Variants in TNRC18 observed in about 807,000 individuals in gnomAD.
TNRC18 encodes trinucleotide repeat containing 18.
In TNRC18, 69 loss-of-function variants were observed where a neutral mutation model predicts 226.7. That is an observed-to-expected ratio of 0.30 (90% CI 0.25 to 0.37). The LOEUF (loss-of-function observed/expected upper bound fraction) is 0.37, where lower values mean the gene tolerates loss of function less well. Among genes scored for constraint, TNRC18 ranks in the 10% least tolerant of loss-of-function variants. The pLI, the probability that TNRC18 is intolerant of heterozygous loss-of-function variation, is 1.00. For synonymous variants in TNRC18, 2,449 were observed against 1,927.6 expected, an observed-to-expected ratio of 1.27 and a Z score of -7.09; for missense variants, 4,754 against 4,256.6, an observed-to-expected ratio of 1.12 and a Z score of -3.25.
intron 29 of TNRC18, among the ~76,000 whole-genome samples, chr7:5,308,538 A>C (rs1445781442): frequency 6.6e-6 from 1 of 152,190 alleles, no homozygotes; most frequent in Non-Finnish European, 1.5e-5. Context: ...AGAGATCCAA[A>C]GACGCAGAGA....
intron 11 of TNRC18, among the ~76,000 whole-genome samples, chr7:5,368,105 G>A (rs1217389778): frequency 2.7e-5 from 4 of 150,942 alleles, no homozygotes; most frequent in Admixed American, 1.3e-4. Flanking sequence ...GACCATCTAA[G>A]ACTGGGTCAT....
intron 2 of TNRC18, among the ~76,000 whole-genome samples, chr7:5,411,515 CAAAA>C (rs764197407): frequency 4.6e-5 from 3 of 65,442 alleles, no homozygotes; most frequent in African/African-American, 1.7e-4. Flanking sequence ...AAGACTCTGT[CAAAA>C]AAAAAAAAAA....
chr7:5,389,300 G>A lies in TNRC18; in HGVS notation c.524C>T (p.Ser175Phe). ...GGCCGAGGGCGCGTGAGAGTGCAGG[G>A]AGCCCGGAGCCCCCGCGGTGGGCAG... ...FYLPTAGAPG[S>F]LHSHAPSART... Residue 175 changes from serine to phenylalanine, a missense_variant, in exon 5 of 30, where the codon TCC (serine) becomes TTC (phenylalanine). Ser to Phe is a radical substitution (Grantham distance 155). Coordinates refer to ENST00000430969, the MANE Select transcript of TNRC18 (RefSeq NM_001080495.3). 1 of 1,283,544 alleles carries A rather than the reference G, an allele frequency of 7.8e-7. No homozygotes were observed. Among genetic ancestry groups the A allele is most frequent in the Non-Finnish European group, 9.8e-7 (1 of 1,015,670 alleles). The allele number at this position is 1,283,544 out of a possible 1,614,324, so 79.5% of individuals were successfully genotyped here.
At chr7:5,347,794 A>C (rs1445607488) in intron 17 of TNRC18, among the ~76,000 whole-genome samples, 4 of 151,954 alleles carry the variant, frequency 2.6e-5, no homozygotes, top group Admixed American at 6.6e-5. Flanking sequence ...ATCTCTACTA[A>C]AAATACAAAA....
At chr7:5,397,217 G>A (rs372749151) in intron 2 of TNRC18, among the ~76,000 whole-genome samples, 2 of 152,182 alleles carry the variant, frequency 1.3e-5, no homozygotes, top group Non-Finnish European at 2.9e-5. Context: ...TCCAAGCCCT[G>A]CTGAGCCCCG....
chr7:5,353,509 G>C (rs1353729945), intron 16 of TNRC18, among the ~76,000 whole-genome samples: 1 of 141,884 alleles, frequency 7.0e-6, no homozygotes, highest in African/African-American at 2.7e-5. Context: ...CAGTGCGGCC[G>C]AGATCACACC....
At chr7:5,374,827 C>T (rs1389632394) in intron 9 of TNRC18, among the ~76,000 whole-genome samples, 1 of 152,230 alleles carries the variant, frequency 6.6e-6, no homozygotes, top group African/African-American at 2.4e-5. Context: ...GGGCACAAGG[C>T]CCCACACCTC....
At position 5,377,823 on chromosome 7, in the gene TNRC18, G is replaced by C; in HGVS notation, c.2255+99C>G. ...CCGCTCTCAGTACCATAGCATCCAT[G>C]GTCGAGGGGCCAAGCCCACCTGGGG... is the stretch of plus-strand genomic sequence containing the variant. On this transcript the variant is annotated intron_variant, in intron 6 of 29. Coordinates refer to ENST00000430969, the MANE Select transcript of TNRC18 (RefSeq NM_001080495.3). This position sits in a 1 kb window ranked among gnomAD's most constrained non-coding sequence, Gnocchi z 5.8. 1 of 1,221,660 alleles carries C rather than the reference G, an allele frequency of 8.2e-7. No individual in the cohort carries two copies. The highest frequency in any genetic ancestry group is 1.2e-6 in the Non-Finnish European group (1 of 852,538). The allele number at this position is 1,221,660 out of a possible 1,614,324, so 75.7% of individuals were successfully genotyped here.
intron 11 of TNRC18, among the ~76,000 whole-genome samples, chr7:5,369,144 T>C (rs952134307): frequency 7.9e-5 from 12 of 151,996 alleles, no homozygotes; most frequent in Middle Eastern, 3.2e-3. Flanking sequence ...GGTCGGGAGT[T>C]CGAGACCAGC....
rs1786613436 is a variant in TNRC18 at position 5,307,167 on chromosome 7, T to C, written c.*939A>G. On this transcript the variant is annotated 3_prime_UTR_variant, in exon 30 of 30. Transcript: ENST00000430969. ...GTGAAGCCGGTGCTAGACACTATAA[T>C]CTAACAGGAAATAAAAAATAATATT... 6.6e-6 allele frequency: 1 copy of C among 150,428 alleles called. No homozygotes were observed. 9.3% of individuals were successfully genotyped at this position (150,428 alleles called of 1,614,324 possible).
In TNRC18 at chr7:5,312,540, G is replaced by A. The variant is rs1417559116; in HGVS notation, c.8351C>T (p.Ala2784Val). 1.9e-6 allele frequency: 3 copies of A among 1,611,206 alleles called. No homozygotes were observed. The highest frequency in any genetic ancestry group is 2.5e-6 in the Non-Finnish European group (3 of 1,179,376). The part of the protein sequence containing the change: ...NRPKIAAFLP[A>V]RQLWKWFGKP... ...GCCGAACCACTTCCAGAGCTGCCGG[G>A]CTGGCAGGAAGGCGGCGATCTTGGG... Residue 2784 changes from alanine to valine, a missense_variant, in exon 27 of 30, where the codon GCC becomes GTC. By Grantham distance (64) the Ala-to-Val change is moderately conservative. Transcript: ENST00000430969. The surrounding 1 kb of genome is among the most constrained non-coding windows in gnomAD (Gnocchi z 6.3).
rs1182679572 is a variant in TNRC18 at position 5,312,466 on chromosome 7, C to G, written c.8388+37G>C. 2 of 1,596,486 alleles carry G rather than the reference C, an allele frequency of 1.3e-6. No homozygotes were observed. Among genetic ancestry groups the G allele is most frequent in the Non-Finnish European group, 1.7e-6 (2 of 1,174,000 alleles). ...GCCCAGCAGAGAGACACAAGGCCCC[C>G]GGCCCCTCGGCCGTGCCCGGGCGCG... On this transcript the variant is annotated intron_variant, in intron 27 of 29. Coordinates refer to ENST00000430969, the MANE Select transcript of TNRC18 (RefSeq NM_001080495.3). This position sits in a 1 kb window ranked among gnomAD's most constrained non-coding sequence, Gnocchi z 6.3.
At chr7:5,356,405 C>T (rs889926843) in intron 16 of TNRC18, among the ~76,000 whole-genome samples, 1 of 152,152 alleles carries the variant, frequency 6.6e-6, no homozygotes, top group African/African-American at 2.4e-5. Flanking sequence ...CATAGCCGAG[C>T]ACGGTGGGCG....
rs549918622 is a variant in TNRC18 at position 5,399,740 on chromosome 7, C to T, written c.188-5145G>A. Among the ~76,000 whole-genome samples, 8 of 151,274 alleles carry T rather than the reference C, an allele frequency of 5.3e-5. No homozygotes were observed. In the South Asian group the frequency reaches 1.1e-3, roughly 20 times the overall value. On this transcript the variant is annotated intron_variant, in intron 2 of 29. Transcript: ENST00000430969. ...AACAAAAAAACCTAAAACACACAGC[C>T]GGCACGATGGCTCACACCTATAATA... is the stretch of plus-strand genomic sequence containing the variant.
intron 19 of TNRC18, chr7:5,329,824 C>T (rs533386963): frequency 7.6e-5 from 34 of 446,540 alleles, no homozygotes; most frequent in African/African-American, 4.5e-4. Flanking sequence ...TACATTGCCT[C>T]TTTGGGCCTT....
At chr7:5,314,603 G>A (rs1047484646) in intron 26 of TNRC18, among the ~76,000 whole-genome samples, 3 of 116,674 alleles carry the variant, frequency 2.6e-5, no homozygotes, top group South Asian at 2.6e-4. Context: ...ATGGAATTTC[G>A]CTCTTGTCGC....
In TNRC18 at chr7:5,335,835, G is replaced by GAAAAAAAAAAAAAAAAAA. The variant is rs61412615; in HGVS notation, c.5720-2804_5720-2787dup. ...AAAACAAAGGAGATCATATTCACTG[G>GAAAAAAAAAAAAAAAAAA]AAAAAAAAAAAAAAAAAAAAAAAGG... On this transcript the variant is annotated intron_variant, in intron 18 of 29. Transcript: ENST00000430969. Among the ~76,000 whole-genome samples the GAAAAAAAAAAAAAAAAAA allele has an allele frequency of 2.4e-5, 3 of 126,812 alleles. 1 individual carries two copies. The highest frequency in any genetic ancestry group is 4.8e-5 in the Non-Finnish European group (3 of 62,742). The allele number at this position is 126,812 out of a possible 152,430, so 83.2% of individuals were successfully genotyped here.
In TNRC18 at chr7:5,387,951, G is replaced by C. The variant is rs200830047; in HGVS notation, c.1873C>G (p.Pro625Ala). The C allele has an allele frequency of 9.5e-4, 1,515 of 1,598,006 alleles. 5 individuals are homozygous for C. Among genetic ancestry groups the C allele is most frequent in the South Asian group, 2.5e-3 (226 of 89,000 alleles). ...GLGTMKPEPA[P>A]TSAGASRAQA... ...GCTCGGGAGGCACCCGCAGAGGTGG[G>C]CGCAGGCTCGGGTTTCATGGTGCCC... Residue 625 changes from proline to alanine, a missense_variant, in exon 5 of 30, where the codon CCC (proline) becomes GCC (alanine). Pro to Ala is a conservative substitution (Grantham distance 27). Transcript: ENST00000430969.
chr7:5,368,731 A>C (rs1162614254), intron 11 of TNRC18, among the ~76,000 whole-genome samples: 2 of 152,086 alleles, frequency 1.3e-5, no homozygotes, highest in Non-Finnish European at 2.9e-5. Flanking sequence ...CACTATTTAC[A>C]AAAAGATCTT....
Sources: allele counts gnomAD v4.1 joint callset (sites outside exome capture counted in the v4.1 genomes callset), GRCh38; gene constraint gnomAD v4.1.1; non-coding constraint Gnocchi (gnomAD v3.1); transcripts MANE v1.5; gene names NCBI Gene and HGNC (gene_info 2026-07-23, HGNC 2026-07-21).